The following DAAM1 variants were observed in gnomAD, a reference collection of about 807,000 sequenced individuals.
The protein encoded by DAAM1 is disheveled-associated activator of morphogenesis 1.
A neutral mutation model predicts 130.0 loss-of-function variants in DAAM1; 52 were observed. The ratio of observed to expected loss-of-function variants is 0.40; its 90% CI spans 0.32 to 0.50. The LOEUF (loss-of-function observed/expected upper bound fraction) is 0.50. DAAM1 is among the 20% of genes least tolerant of loss of function. The probability of loss-of-function intolerance (pLI) is 0.61; values close to 1 mark genes in which losing one functional copy is unlikely to be tolerated. For synonymous variants in DAAM1, 452 were observed against 444.5 expected, an observed-to-expected ratio of 1.02 and a Z score of -0.21; for missense variants, 1,134 against 1,303.8, an observed-to-expected ratio of 0.87 and a Z score of 2.01.
At chr14:59,200,054 T>G (rs1258920100) in intron 1 of DAAM1, among the ~76,000 whole-genome samples, 1 of 152,226 alleles carries the variant, frequency 6.6e-6, no homozygotes, top group African/African-American at 2.4e-5. Flanking sequence ...TTTATTTATT[T>G]GGGCAGTTGG....
intron 17 of DAAM1, among the ~76,000 whole-genome samples, chr14:59,352,289 T>G: frequency 6.6e-6 from 1 of 152,166 alleles, no homozygotes; most frequent in East Asian, 1.9e-4. Flanking sequence ...CAATTCTGAT[T>G]TGAGAGGCAG....
At chr14:59,360,612 CAT>C (rs1269700219) in intron 21 of DAAM1, 188 bp from the exon 22 acceptor site, 13 of 404,860 alleles carry the variant, frequency 3.2e-5, no homozygotes, top group African/African-American at 2.3e-4. Context: ...AGAAAACAAA[CAT>C]AATTTTATAC....
intron 5 of DAAM1, among the ~76,000 whole-genome samples, chr14:59,321,973 G>T (rs555242427): frequency 1.3e-5 from 2 of 152,112 alleles, no homozygotes; most frequent in Non-Finnish European, 2.9e-5. Flanking sequence ...TAACTTAAGT[G>T]TAAGAAATAT....
intron 1 of DAAM1, among the ~76,000 whole-genome samples, chr14:59,226,289 A>G (rs1888941431): frequency 6.6e-6 from 1 of 152,192 alleles, no homozygotes; most frequent in South Asian, 2.1e-4. Flanking sequence ...AGTAGCACCA[A>G]AGGGGATATT....
At position 59,291,736 on chromosome 14, in the gene DAAM1, C is replaced by T. The variant is rs150395836; in HGVS notation, c.273+430C>T. ...CACCAAGGTGACTCTCCAGCCCCTT[C>T]ATGTTCCAAACCAGCGATGGAAGAA... On this transcript the variant is annotated intron_variant, in intron 3 of 24. Transcript: ENST00000360909. Among the ~76,000 whole-genome samples, 123 of 152,266 alleles carry T rather than the reference C, an allele frequency of 8.1e-4. 1 individual carries two copies. Among genetic ancestry groups the T allele is most frequent in the African/African-American group, 2.8e-3 (115 of 41,544 alleles).
rs1171776320 is a variant in DAAM1, at chr14:59,369,918, T to TATCTC, written c.*1060_*1064dup. 6.6e-6 allele frequency: 1 copy of TATCTC among 151,894 alleles called. No individual in the cohort carries two copies. Among genetic ancestry groups the TATCTC allele is most frequent in the Non-Finnish European group, 1.5e-5 (1 of 67,934 alleles). 9.4% of individuals were successfully genotyped at this position (151,894 alleles called of 1,614,324 possible). A position where few individuals can be genotyped will look rare whatever the true frequency, so the allele number is the denominator to read the frequency against. On this transcript the variant is annotated 3_prime_UTR_variant, in exon 25 of 25. Coordinates refer to ENST00000360909, the MANE Select transcript of DAAM1 (RefSeq NM_001270520.2). ...ATCAGCAGAGATGCCCAGATCTATT[T>TATCTC]ATCTCTAAGTATATTTGAAGTGATT...
Position 59,338,016 on chromosome 14 carries a change from A to G in DAAM1, c.1969-2058A>G, listed in dbSNP as rs151247522. Among the ~76,000 whole-genome samples, 1,110 of 152,322 alleles carry G rather than the reference A, an allele frequency of 7.3e-3. 18 individuals carry two copies. Among genetic ancestry groups the G allele is most frequent in the African/African-American group, 0.025 (1,034 of 41,564 alleles). ...GGATTGATTTTCTCCTGCTTCAAGT[A>G]AAATCATCATGTTGAATAAATGGAG... On this transcript the variant is annotated intron_variant, in intron 15 of 24. Coordinates refer to ENST00000360909, the MANE Select transcript of DAAM1 (RefSeq NM_001270520.2).
intron 1 of DAAM1, among the ~76,000 whole-genome samples, chr14:59,203,980 CTG>C (rs1888188054): frequency 6.6e-6 from 1 of 152,336 alleles, no homozygotes; most frequent in African/African-American, 2.4e-5. Flanking sequence ...CTGTGAAACA[CTG>C]TATTAAAAGT....
In DAAM1 at chr14:59,199,801, T is replaced by C. The variant is rs1426805197; in HGVS notation, c.-38+11033T>C. Among the ~76,000 whole-genome samples, 3 of 152,312 alleles carry C rather than the reference T, an allele frequency of 2.0e-5. No individual in the cohort carries two copies. The South Asian group carries it at 6.2e-4, about 32-fold the overall frequency. ...TTGTGAGGCAGATTGTGCTGTGCAC[T>C]GTAGGATGTTTAACAGCATCCCTGG... is the stretch of plus-strand genomic sequence containing the variant. On this transcript the variant is annotated intron_variant, in intron 1 of 24. Transcript: ENST00000360909.
intron 3 of DAAM1, among the ~76,000 whole-genome samples, chr14:59,299,442 A>T (rs1884085346): frequency 6.6e-6 from 1 of 152,184 alleles, no homozygotes. Flanking sequence ...GAGGCATGGT[A>T]ACATTAGCTG....
intron 22 of DAAM1, chr14:59,363,425 T>A: frequency 2.1e-6 from 1 of 470,196 alleles, no homozygotes; most frequent in Non-Finnish European, 3.8e-6. Flanking sequence ...GTACTTAGAT[T>A]GTTGGTAAAT....
In DAAM1 at chr14:59,334,359, T is replaced by A. The variant is rs150184293; in HGVS notation, c.1968+2439T>A. Among the ~76,000 whole-genome samples the A allele has an allele frequency of 2.8e-3, 421 of 152,296 alleles. 3 individuals are homozygous for A. The highest frequency in any genetic ancestry group is 0.027 in the Middle Eastern group (8 of 294). ...TGCATTTTCATTTCAGTCTTGGCAG[T>A]GCATTATATAATTCACTTGAACTGC... On this transcript the variant is annotated intron_variant, in intron 15 of 24. Coordinates refer to ENST00000360909, the MANE Select transcript of DAAM1 (RefSeq NM_001270520.2).
At chr14:59,209,986 A>AG (rs1443666482) in intron 1 of DAAM1, among the ~76,000 whole-genome samples, 1 of 152,118 alleles carries the variant, frequency 6.6e-6, no homozygotes, top group Non-Finnish European at 1.5e-5. Context: ...TAGGAAAAAA[A>AG]GTAGATGGGC....
chr14:59,363,867 A>C, intron 23 of DAAM1, 85 bp downstream of exon 23: 1 of 1,560,990 alleles, frequency 6.4e-7, no homozygotes, highest in East Asian at 2.3e-5. Context: ...TGTACGGGAA[A>C]TAGCAGGAGT....
At chr14:59,192,384 A>T (rs1374376432) in intron 1 of DAAM1, among the ~76,000 whole-genome samples, 2 of 152,210 alleles carry the variant, frequency 1.3e-5, no homozygotes, top group Non-Finnish European at 2.9e-5. Flanking sequence ...GGACCAGAGG[A>T]AACATGCTTT....
intron 20 of DAAM1, among the ~76,000 whole-genome samples, chr14:59,357,988 G>A (rs1886550443): frequency 6.6e-6 from 1 of 152,218 alleles, no homozygotes; most frequent in Admixed American, 6.5e-5. Flanking sequence ...ATTTTGGTTA[G>A]AGGTGAGTTG....
chr14:59,347,472 A>G (rs894593075), intron 16 of DAAM1, 67 bp from the exon 17 acceptor site: 1 of 1,454,516 alleles, frequency 6.9e-7, no homozygotes. Flanking sequence ...CTGGGGTAGC[A>G]AAGTGAATTA....
Position 59,359,412 on chromosome 14 carries a change from G to T in DAAM1, c.2541G>T (p.Leu847Phe). The change falls in exon 21 of 25, where the codon TTG becomes TTT. Residue 847 changes from leucine (L) to phenylalanine (F), a missense_variant. This residue lies in a region of DAAM1 where 644 missense variants were observed against 695.9 expected (regional missense o/e 0.93). Coordinates refer to ENST00000360909, the MANE Select transcript of DAAM1 (RefSeq NM_001270520.2). ...TCAATTGTAGAAACATTACCCTTTT[G>T]CACTATCTCATCACTATTGTGGAAA... ...KSSIDKNITL[L>F]HYLITIVENK... 1 of 1,612,184 alleles carries T rather than the reference G, an allele frequency of 6.2e-7. No homozygotes were observed. The highest frequency in any genetic ancestry group is 8.5e-7 in the Non-Finnish European group (1 of 1,178,574).
intron 16 of DAAM1, among the ~76,000 whole-genome samples, chr14:59,343,736 A>G (rs544592726): frequency 2.8e-4 from 43 of 152,340 alleles, no homozygotes; most frequent in African/African-American, 9.9e-4. Context: ...GCAGTTGGAA[A>G]GAGGCCAAGG....
Sources: allele counts gnomAD v4.1 joint callset (sites outside exome capture counted in the v4.1 genomes callset), GRCh38; gene constraint gnomAD v4.1.1; regional missense constraint gnomAD v4.1.1; transcripts MANE v1.5; gene names NCBI Gene and HGNC (gene_info 2026-07-23, HGNC 2026-07-21).